The following JAKMIP3 variants were observed in gnomAD, a reference collection of about 807,000 sequenced individuals.
JAKMIP3 encodes the protein Janus kinase and microtubule interacting protein 3.
In JAKMIP3, 58 loss-of-function variants were observed where a neutral mutation model predicts 118.5. The ratio of observed to expected loss-of-function variants is 0.49; its 90% confidence interval spans 0.40 to 0.61. The LOEUF is 0.61. JAKMIP3 is among the 20% of genes least tolerant of loss of function. JAKMIP3 has a pLI of 0.00. For synonymous variants in JAKMIP3, 486 were observed against 451.2 expected (o/e 1.08, Z -0.98); for missense variants, 950 against 1,109.0 (o/e 0.86, Z 2.04).
chr10:132,166,948 C>A, intron 21 of JAKMIP3, 35 bp from the exon 22 acceptor site: 1 of 1,418,394 alleles, frequency 7.1e-7, no homozygotes, highest in South Asian at 1.2e-5. Context: ...CTCTTTCTTT[C>A]CTTCCGTTTC....
intron 16 of JAKMIP3, 111 bp downstream of exon 16, chr10:132,150,152 C>A: frequency 1.3e-6 from 1 of 795,540 alleles, no homozygotes. Flanking sequence ...CATGGGCCAC[C>A]CTGCCTGAGA....
intron 1 of JAKMIP3, among the ~76,000 whole-genome samples, chr10:132,098,575 T>C (rs374259801): frequency 6.6e-6 from 1 of 152,200 alleles, no homozygotes; most frequent in African/African-American, 2.4e-5. Flanking sequence ...TCCATCGCAG[T>C]GGCCACTGCA....
intron 2 of JAKMIP3, among the ~76,000 whole-genome samples, chr10:132,106,022 T>C (rs887389743): frequency 6.6e-6 from 1 of 152,212 alleles, no homozygotes; most frequent in Non-Finnish European, 1.5e-5. Flanking sequence ...GTGATCATCA[T>C]GTGTAGTTCA....
intron 17 of JAKMIP3, among the ~76,000 whole-genome samples, 179 bp downstream of exon 17, chr10:132,153,202 A>C (rs530159543): frequency 6.6e-6 from 1 of 152,334 alleles, no homozygotes; most frequent in Admixed American, 6.5e-5. Context: ...CCCACTGTGC[A>C]TCTTTGCAAA....
chr10:132,155,380 C>T (rs1007629715), intron 19 of JAKMIP3, among the ~76,000 whole-genome samples: 2 of 152,194 alleles, frequency 1.3e-5, no homozygotes, highest in African/African-American at 4.8e-5. Flanking sequence ...AGGCAGGAGT[C>T]GAATGTCAGC....
At position 132,117,157 on chromosome 10, in the gene JAKMIP3, C is replaced by T. The variant is rs2047812568; in HGVS notation, c.216C>T (p.Leu72=). The part of the protein sequence containing the change: ...EHEQHKTAVL[L]TELKTKLHEE... ...AGCAGCATAAGACCGCGGTCTTGCT[C>T]ACGGAGCTCAAGACAAAGCTGCACG... The change falls in exon 3 of 24, where the codon CTC becomes CTT. Residue 72 remains leucine, a synonymous_variant. Coordinates refer to ENST00000684848, the MANE Select transcript of JAKMIP3 (RefSeq NM_001323087.2). This position sits in a 1 kb window ranked among gnomAD's most constrained non-coding sequence, Gnocchi z 8.6. 1.2e-6 allele frequency: 2 copies of T among 1,613,806 alleles called. No homozygotes were observed. The highest frequency in any genetic ancestry group is 1.7e-5 in the Admixed American group (1 of 60,024).
At chr10:132,140,091 C>T (rs538806621) in intron 9 of JAKMIP3, among the ~76,000 whole-genome samples, 1 of 152,314 alleles carries the variant, frequency 6.6e-6, no homozygotes, top group Non-Finnish European at 1.5e-5. Flanking sequence ...AGAAATGCAT[C>T]ACTGGGAATG....
chr10:132,120,434 C>A (rs996582066), intron 3 of JAKMIP3, among the ~76,000 whole-genome samples: 8 of 152,244 alleles, frequency 5.3e-5, no homozygotes, highest in Non-Finnish European at 7.3e-5. Context: ...CCTTCCTCCA[C>A]CCCTGACCAC....
At position 132,099,256 on chromosome 10, in the gene JAKMIP3, G is replaced by A. The variant is rs146604798; in HGVS notation, c.-137-5416G>A. Among the ~76,000 whole-genome samples, 953 of 152,218 alleles carry A rather than the reference G, an allele frequency of 6.3e-3. 9 individuals are homozygous for A. Among genetic ancestry groups the A allele is most frequent in the South Asian group, 0.015 (73 of 4,816 alleles). On this transcript the variant is annotated intron_variant, in intron 1 of 23. Transcript: ENST00000684848. ...CGTCAGCGACACTGAGGTTCACTGT[G>A]GTGATTCACCGGCGGTGGAAAGACA...
intron 7 of JAKMIP3, 37 bp from the exon 8 acceptor site, chr10:132,137,217 C>T (rs1419481183): frequency 6.2e-7 from 1 of 1,613,932 alleles, no homozygotes; most frequent in Admixed American, 1.7e-5. Flanking sequence ...AACAGGGACC[C>T]TGAGCAATTC....
intron 10 of JAKMIP3, 87 bp from the exon 11 acceptor site, chr10:132,141,833 A>G (rs1243673468): frequency 1.4e-6 from 2 of 1,446,204 alleles, no homozygotes; most frequent in Non-Finnish European, 1.9e-6. Flanking sequence ...TCTGGGGAGA[A>G]GGGAAGCCCC....
chr10:132,089,912 G>T (rs145206335), intron 1 of JAKMIP3, among the ~76,000 whole-genome samples: 1,723 of 152,240 alleles, frequency 0.011, 26 homozygotes, highest in African/African-American at 0.039. Context: ...AGAGTTTTTA[G>T]CATGAAGGGC....
intron 6 of JAKMIP3, 32 bp downstream of exon 6, chr10:132,136,108 G>T (rs1369306476): frequency 6.2e-7 from 1 of 1,608,546 alleles, no homozygotes; most frequent in East Asian, 2.2e-5. Context: ...CGGGGCCACG[G>T]TCGCACCCGA....
chr10:132,113,810 G>A (rs2047219576), intron 2 of JAKMIP3, among the ~76,000 whole-genome samples: 1 of 152,204 alleles, frequency 6.6e-6, no homozygotes, highest in Non-Finnish European at 1.5e-5. Flanking sequence ...GATGTGAGAT[G>A]GACCTGGCAC....
Position 132,137,990 on chromosome 10 carries a change from G to T in JAKMIP3, c.1285-129G>T, listed in dbSNP as rs569829835. 112 of 734,480 alleles carry T rather than the reference G, an allele frequency of 1.5e-4. 1 individual carries two copies. The South Asian group carries it at 1.6e-3, about 10-fold the overall frequency. The allele number at this position is 734,480 out of a possible 1,614,324, so 45.5% of individuals were successfully genotyped here. A position where few individuals can be genotyped will look rare whatever the true frequency, so the allele number is the denominator to read the frequency against. ...TGGAGCCAGGGCCTCCCGCTGTGGT[G>T]TGGGGACAAGCCAGCCCAGACACCG... On this transcript the variant is annotated intron_variant, in intron 8 of 23. Coordinates refer to ENST00000684848, the MANE Select transcript of JAKMIP3 (RefSeq NM_001323087.2).
chr10:132,127,922 TCTC>T (rs1442910838), intron 3 of JAKMIP3, among the ~76,000 whole-genome samples: 2 of 152,158 alleles, frequency 1.3e-5, no homozygotes, highest in Non-Finnish European at 2.9e-5. Context: ...TTTACCCACT[TCTC>T]CTATGATTGT....
chr10:132,071,651 C>T (rs916613602), intron 1 of JAKMIP3, among the ~76,000 whole-genome samples: 16 of 152,160 alleles, frequency 1.1e-4, no homozygotes, highest in African/African-American at 3.6e-4. Flanking sequence ...TTAGGATTGG[C>T]ATGTCTTCTC....
Position 132,080,503 on chromosome 10 carries a change from ATTTTTTTTTTTTTTTT to A in JAKMIP3, c.-138+14463_-138+14478del, listed in dbSNP as rs201838731. ...TATTTTCTTGCTGTCAAGTTATAGGATTTTTTTTTTTTTTTTTTTTTTTTTTTTTTTTTTTTAAGAT... is the reference window on the plus strand; with the variant it reads ...TATTTTCTTGCTGTCAAGTTATAGGATTTTTTTTTTTTTTTTTTTTAAGAT... On this transcript the variant is annotated intron_variant, in intron 1 of 23. Coordinates refer to ENST00000684848, the MANE Select transcript of JAKMIP3 (RefSeq NM_001323087.2). Among the ~76,000 whole-genome samples, 263 of 61,578 alleles carry A rather than the reference ATTTTTTTTTTTTTTTT, an allele frequency of 4.3e-3. 5 individuals are homozygous for A. In the East Asian group the frequency reaches 0.053, roughly 12 times the overall value. The allele number at this position is 61,578 out of a possible 152,430, so 40.4% of individuals were successfully genotyped here.
chr10:132,155,038 A>G (rs963684855), intron 19 of JAKMIP3, among the ~76,000 whole-genome samples: 1 of 628 alleles, frequency 1.6e-3, no homozygotes, highest in African/African-American at 4.5e-3. Flanking sequence ...GATGATGGCA[A>G]TGATCATGAT....
Sources: allele counts gnomAD v4.1 joint callset (sites outside exome capture counted in the v4.1 genomes callset), GRCh38; gene constraint gnomAD v4.1.1; non-coding constraint Gnocchi (gnomAD v3.1); transcripts MANE v1.5; gene names NCBI Gene and HGNC (gene_info 2026-07-23, HGNC 2026-07-21).